Variants in GNA14 observed in about 807,000 individuals in gnomAD.
The protein encoded by GNA14 is G protein subunit alpha 14.
GNA14 carries 50 observed loss-of-function variants against 42.0 expected under a neutral mutation model. That is an observed-to-expected ratio of 1.19 (90% CI 0.95 to 1.51). The LOEUF (loss-of-function observed/expected upper bound fraction) is 1.51, where lower values mean the gene tolerates loss of function less well. Among genes scored for constraint, GNA14 ranks in the 40% most tolerant of loss-of-function variants. GNA14 has a pLI of 0.00. For synonymous variants in GNA14, 173 were observed against 163.1 expected (o/e 1.06, Z -0.46); for missense variants, 473 against 446.2 (o/e 1.06, Z -0.54).
chr9:77,436,149 C>T (rs1429533827), intron 2 of GNA14, among the ~76,000 whole-genome samples: 3 of 152,198 alleles, frequency 2.0e-5, no homozygotes, highest in Non-Finnish European at 4.4e-5. Flanking sequence ...CTTTTCCCCA[C>T]ACCTGTCAGG....
chr9:77,646,231 C>T (rs532571463), intron 1 of GNA14, among the ~76,000 whole-genome samples: 6 of 152,328 alleles, frequency 3.9e-5, no homozygotes, highest in African/African-American at 9.6e-5. Context: ...AGCACTTTTA[C>T]GCCCCAGCAA....
chr9:77,590,111 A>T (rs28635776), intron 1 of GNA14, among the ~76,000 whole-genome samples: 17,309 of 152,016 alleles, frequency 0.11, 3,276 homozygotes, highest in African/African-American at 0.39. Flanking sequence ...GAGATGGGGT[A>T]TCAACCACAT....
chr9:77,557,664 C>G (rs1822805982), intron 1 of GNA14, among the ~76,000 whole-genome samples: 2 of 152,152 alleles, frequency 1.3e-5, no homozygotes, highest in Admixed American at 6.5e-5. Context: ...TAAAGCTGTT[C>G]TGCTCCAGTG....
Position 77,501,662 on chromosome 9 carries a change from T to C in GNA14, c.309+27407A>G, listed in dbSNP as rs574023423. 2.6e-5 allele frequency among the ~76,000 whole-genome samples: 4 copies of C among 152,226 alleles called. No individual in the cohort carries two copies. In the East Asian group the frequency reaches 7.7e-4, roughly 29 times the overall value. ...TTTGTAGCTTGTCTTTCCGTCCTTT[T>C]GATATAATCTTAAAGTTGACTTTTT... On this transcript the variant is annotated intron_variant, in intron 2 of 6. Transcript: ENST00000341700.
At chr9:77,463,714 C>T (rs2131714470) in intron 2 of GNA14, among the ~76,000 whole-genome samples, 1 of 152,240 alleles carries the variant, frequency 6.6e-6, no homozygotes, top group East Asian at 1.9e-4. Flanking sequence ...TGGCTGGTGG[C>T]AGAATCATGC....
At chr9:77,587,033 G>A (rs1420319977) in intron 1 of GNA14, among the ~76,000 whole-genome samples, 1 of 150,686 alleles carries the variant, frequency 6.6e-6, no homozygotes, top group Non-Finnish European at 1.5e-5. Flanking sequence ...TTTATTAAAG[G>A]AAAATCTTAC....
chr9:77,554,269 C>T (rs976914009), intron 1 of GNA14, among the ~76,000 whole-genome samples: 7 of 152,310 alleles, frequency 4.6e-5, no homozygotes, highest in African/African-American at 1.4e-4. Flanking sequence ...CATATACACA[C>T]ATCTGTAAGT....
At chr9:77,584,787 T>C (rs1245492584) in intron 1 of GNA14, among the ~76,000 whole-genome samples, 1 of 152,216 alleles carries the variant, frequency 6.6e-6, no homozygotes, top group Middle Eastern at 3.2e-3. Context: ...CCAATTTTTA[T>C]GGTTATTTCT....
intron 1 of GNA14, among the ~76,000 whole-genome samples, chr9:77,617,839 T>C (rs1016716330): frequency 6.6e-6 from 1 of 151,910 alleles, no homozygotes; most frequent in Non-Finnish European, 1.5e-5. Flanking sequence ...GTTCCCTGGG[T>C]CTTCATATAG....
chr9:77,574,774 A>G (rs1289974924), intron 1 of GNA14, among the ~76,000 whole-genome samples: 5 of 152,230 alleles, frequency 3.3e-5, no homozygotes, highest in Admixed American at 3.3e-4. Flanking sequence ...TCCATGCTGC[A>G]GCTATGCTAT....
At chr9:77,536,847 TCA>T (rs1837604770) in intron 1 of GNA14, among the ~76,000 whole-genome samples, 1 of 152,232 alleles carries the variant, frequency 6.6e-6, no homozygotes, top group Non-Finnish European at 1.5e-5. Flanking sequence ...CAAGTTTTAA[TCA>T]CAGAGAATTT....
chr9:77,514,789 A>AT (rs1837225028), intron 2 of GNA14, among the ~76,000 whole-genome samples: 1 of 151,668 alleles, frequency 6.6e-6, no homozygotes, highest in Non-Finnish European at 1.5e-5. Flanking sequence ...AATTTTTTGT[A>AT]TTTTTAGTGG....
chr9:77,547,613 A>G (rs942475706), intron 1 of GNA14, among the ~76,000 whole-genome samples: 1 of 152,168 alleles, frequency 6.6e-6, no homozygotes, highest in Admixed American at 6.5e-5. Context: ...CAATACTTAC[A>G]ACAAGGCAGT....
In GNA14 at chr9:77,470,732, C is replaced by G. The variant is rs1465918487; in HGVS notation, c.310-36210G>C. Among the ~76,000 whole-genome samples, 3 of 152,180 alleles carry G rather than the reference C, an allele frequency of 2.0e-5. No individual in the cohort carries two copies. The South Asian group carries it at 6.2e-4, about 32-fold the overall frequency. On this transcript the variant is annotated intron_variant, in intron 2 of 6. Transcript: ENST00000341700. ...GTAAAGAAAAGAGGTTGAATTGACT[C>G]ATAATTCCACAGGCTGTACAAGAAG...
chr9:77,618,664 C>T (rs1282642162), intron 1 of GNA14, among the ~76,000 whole-genome samples: 2 of 91,360 alleles, frequency 2.2e-5, no homozygotes, highest in African/African-American at 9.2e-5. Flanking sequence ...GACGGAGTCT[C>T]GCTCTGTCGC....
intron 2 of GNA14, among the ~76,000 whole-genome samples, chr9:77,515,821 A>C (rs1196109204): frequency 1.3e-5 from 2 of 151,702 alleles, no homozygotes; most frequent in African/African-American, 4.9e-5. Flanking sequence ...AAAATTAGCC[A>C]GGCCTGGGGG....
At chr9:77,584,664 G>A (rs1823274202) in intron 1 of GNA14, among the ~76,000 whole-genome samples, 1 of 152,210 alleles carries the variant, frequency 6.6e-6, no homozygotes, top group Non-Finnish European at 1.5e-5. Context: ...TCTCATGCAA[G>A]AAAGAATTCA....
chr9:77,492,565 A>G (rs574817960), intron 2 of GNA14, among the ~76,000 whole-genome samples: 1 of 152,270 alleles, frequency 6.6e-6, no homozygotes, highest in East Asian at 1.9e-4. Flanking sequence ...AAACCTAGAA[A>G]AAAAGGATAC....
At chr9:77,514,797 T>G (rs911652839) in intron 2 of GNA14, among the ~76,000 whole-genome samples, 1 of 152,062 alleles carries the variant, frequency 6.6e-6, no homozygotes, top group Non-Finnish European at 1.5e-5. Flanking sequence ...GTATTTTTAG[T>G]GGAGACGGGG....
Sources: allele counts gnomAD v4.1 joint callset (sites outside exome capture counted in the v4.1 genomes callset), GRCh38; gene constraint gnomAD v4.1.1; transcripts MANE v1.5; gene names NCBI Gene and HGNC (gene_info 2026-07-23, HGNC 2026-07-21).